Variants in MBP observed in about 807,000 individuals in gnomAD.
MBP encodes the protein Golli-MBP.
A neutral mutation model predicts 35.8 loss-of-function variants in MBP; 16 were observed. That is an observed-to-expected ratio of 0.45 (90% CI 0.30 to 0.68). The LOEUF (loss-of-function observed/expected upper bound fraction) is 0.68, where lower values mean the gene tolerates loss of function less well. Ranked by LOEUF, MBP falls within the 30% of genes least tolerant of loss-of-function variation. The pLI is 0.08. For missense variants in MBP, 380 were observed against 404.7 expected (o/e 0.94, Z 0.52); for synonymous variants, 143 against 159.6 (o/e 0.90, Z 0.78).
At chr18:77,093,648 T>C (rs1019811637) in intron 2 of MBP, among the ~76,000 whole-genome samples, 26 of 152,186 alleles carry the variant, frequency 1.7e-4, no homozygotes, top group African/African-American at 6.0e-4. Flanking sequence ...AAAACATTAC[T>C]GACTCAAAAC....
intron 2 of MBP, among the ~76,000 whole-genome samples, chr18:77,081,786 A>ACATGCATATATATATG (rs1974925875): frequency 6.7e-6 from 1 of 148,520 alleles, no homozygotes; most frequent in African/African-American, 2.5e-5. Flanking sequence ...ACACACACAC[A>ACATGCATATATATATG]CACACACGTA....
chr18:77,115,284 C>T (rs1454318641), intron 1 of MBP: 1 of 152,242 alleles, frequency 6.6e-6, no homozygotes, highest in Non-Finnish European at 1.5e-5. Context: ...TTTAATTCAC[C>T]TGCCGAGGAA....
intron 4 of MBP, chr18:77,013,890 T>C: frequency 1.0e-6 from 1 of 985,442 alleles, no homozygotes; most frequent in Non-Finnish European, 1.2e-6. Flanking sequence ...AAAGCTAATG[T>C]TTCCAGGCTC....
chr18:77,071,815 CTGTCCAAT>C (rs1974464269), intron 2 of MBP, among the ~76,000 whole-genome samples: 1 of 152,152 alleles, frequency 6.6e-6, no homozygotes, highest in African/African-American at 2.4e-5. Context: ...CAGATGGCGA[CTGTCCAAT>C]TAAACTCGGT....
chr18:77,067,161 G>T (rs1974233049), intron 2 of MBP, among the ~76,000 whole-genome samples: 1 of 152,184 alleles, frequency 6.6e-6, no homozygotes, highest in African/African-American at 2.4e-5. Flanking sequence ...AAATGCTCTA[G>T]AAAGTGCACA....
At chr18:77,029,806 A>ACACG (rs1182308937) in intron 3 of MBP, among the ~76,000 whole-genome samples, 2 of 151,714 alleles carry the variant, frequency 1.3e-5, no homozygotes, top group African/African-American at 4.8e-5. Context: ...ACACACACAC[A>ACACG]CACGCAGTCA....
intron 2 of MBP, among the ~76,000 whole-genome samples, chr18:77,085,343 A>G (rs529215413): frequency 6.6e-6 from 1 of 152,328 alleles, no homozygotes; most frequent in Non-Finnish European, 1.5e-5. Flanking sequence ...AAAAGACAGT[A>G]ACAGAGAAAA....
chr18:76,997,669 G>C (rs1167508014), intron 4 of MBP, among the ~76,000 whole-genome samples: 2 of 152,116 alleles, frequency 1.3e-5, no homozygotes, highest in African/African-American at 4.8e-5. Flanking sequence ...CGCGTGGACG[G>C]ATGCTGCATC....
At position 77,057,824 on chromosome 18, in the gene MBP, G is replaced by GTTTTTTTTT. The variant is rs780881071; in HGVS notation, c.139+8465_139+8473dup. Among the ~76,000 whole-genome samples, 89 of 9,202 alleles carry GTTTTTTTTT rather than the reference G, an allele frequency of 9.7e-3. 38 individuals are homozygous for GTTTTTTTTT. Among genetic ancestry groups the GTTTTTTTTT allele is most frequent in the East Asian group, 0.014 (2 of 144 alleles). 6.0% of individuals were successfully genotyped at this position (9,202 alleles called of 152,430 possible). ...GGGACACCTGAGGAAGGCGGGGAGT[G>GTTTTTTTTT]TTTTTTTTTTTTTTTTTTTTGAGAC... On this transcript the variant is annotated intron_variant, in intron 3 of 8. Coordinates refer to ENST00000355994, the MANE Select transcript of MBP (RefSeq NM_001025101.2).
intron 3 of MBP, among the ~76,000 whole-genome samples, chr18:77,037,094 A>AG (rs1319895029): frequency 3.5e-5 from 5 of 141,422 alleles, no homozygotes; most frequent in Non-Finnish European, 7.6e-5. Context: ...CACATTTTGG[A>AG]GACAGAGCTG....
intron 8 of MBP, chr18:76,983,030 C>T (rs565770069): frequency 6.6e-6 from 1 of 152,318 alleles, no homozygotes; most frequent in Non-Finnish European, 1.5e-5. Context: ...ATGCAGCTTT[C>T]TGTTCCTCAG....
chr18:77,060,212 G>C (rs955876799), intron 3 of MBP, among the ~76,000 whole-genome samples: 1 of 152,084 alleles, frequency 6.6e-6, no homozygotes, highest in Non-Finnish European at 1.5e-5. Context: ...TATATGGCAC[G>C]GCACATTGGA....
intron 7 of MBP, chr18:76,986,257 C>G (rs902188382): frequency 4.1e-6 from 4 of 985,440 alleles, no homozygotes; most frequent in Non-Finnish European, 4.8e-6. Flanking sequence ...TCCTTGAGCC[C>G]TCTCCTGAAG....
chr18:77,123,327 G>A (rs1976946197), intron 1 of MBP, among the ~76,000 whole-genome samples: 1 of 152,168 alleles, frequency 6.6e-6, no homozygotes, highest in Non-Finnish European at 1.5e-5. Flanking sequence ...TATGGAAAAA[G>A]CATCAAAAAT....
chr18:76,999,532 T>G (rs1014118359), intron 4 of MBP, among the ~76,000 whole-genome samples: 1 of 151,964 alleles, frequency 6.6e-6, no homozygotes, highest in Admixed American at 6.6e-5. Flanking sequence ...CTTGGCTCAC[T>G]GCAACCTCGC....
intron 3 of MBP, among the ~76,000 whole-genome samples, chr18:77,056,993 C>T (rs2144736587): frequency 6.6e-6 from 1 of 152,292 alleles, no homozygotes; most frequent in East Asian, 1.9e-4. Flanking sequence ...CGCTGAGAAG[C>T]AGGGGGTCTT....
chr18:77,080,637 T>C (rs2144916802), intron 2 of MBP, among the ~76,000 whole-genome samples: 1 of 152,386 alleles, frequency 6.6e-6, no homozygotes, highest in South Asian at 2.1e-4. Flanking sequence ...TTTCCTAGTA[T>C]ACTTGGTGGC....
intron 2 of MBP, among the ~76,000 whole-genome samples, chr18:77,082,099 G>T (rs535368990): frequency 4.0e-5 from 6 of 151,874 alleles, no homozygotes; most frequent in African/African-American, 9.7e-5. Context: ...TGATCCGCCC[G>T]CCTCGGCCTC....
At chr18:77,097,948 T>G (rs950301450) in intron 2 of MBP, among the ~76,000 whole-genome samples, 8 of 152,098 alleles carry the variant, frequency 5.3e-5, no homozygotes, top group Non-Finnish European at 1.2e-4. Context: ...TTGCTTATGC[T>G]TGTCTCAACC....
Sources: gnomAD v4.1 joint callset for allele counts (sites outside exome capture counted in the v4.1 genomes callset) on GRCh38, gnomAD v4.1.1 for gene constraint, MANE v1.5 for transcripts, NCBI Gene and HGNC (gene_info 2026-07-23, HGNC 2026-07-21) for gene names.